Variants in EBF1 observed in about 807,000 individuals in gnomAD.
EBF1 encodes the protein EBF transcription factor 1.
In EBF1, 10 loss-of-function variants were observed where a neutral mutation model predicts 68.4. The ratio of observed to expected loss-of-function variants is 0.15; its 90% CI spans 0.09 to 0.25. EBF1 has a LOEUF of 0.25. Among genes scored for constraint, EBF1 ranks in the 10% least tolerant of loss-of-function variants. EBF1 has a pLI of 1.00. For missense variants in EBF1, 509 were observed against 794.4 expected (o/e 0.64, Z 4.32); for synonymous variants, 298 against 299.8 (o/e 0.99, Z 0.06).
chr5:158,740,792 A>G (rs1561795275), intron 10 of EBF1, among the ~76,000 whole-genome samples: 2 of 152,242 alleles, frequency 1.3e-5, no homozygotes, highest in African/African-American at 2.4e-5. Context: ...CTTGATCCTA[A>G]GAAGTCTCCT....
chr5:158,867,989 A>AT (rs200474444), intron 6 of EBF1, among the ~76,000 whole-genome samples: 20 of 150,638 alleles, frequency 1.3e-4, no homozygotes, highest in Non-Finnish European at 2.5e-4. Flanking sequence ...CAAAAGCTTA[A>AT]TTTTTTTTTT....
At chr5:158,902,250 T>C (rs1205372352) in intron 6 of EBF1, among the ~76,000 whole-genome samples, 3 of 152,162 alleles carry the variant, frequency 2.0e-5, no homozygotes, top group Non-Finnish European at 4.4e-5. Flanking sequence ...ATGTCTCCCA[T>C]GAGGCTGTAG....
At chr5:158,778,067 G>GA (rs1035445453) in intron 9 of EBF1, among the ~76,000 whole-genome samples, 3 of 152,038 alleles carry the variant, frequency 2.0e-5, no homozygotes, top group Admixed American at 2.0e-4. Context: ...GGAAAGCAAA[G>GA]AATCTGCCTC....
chr5:158,883,708 C>T (rs1416977841), intron 6 of EBF1, among the ~76,000 whole-genome samples: 1 of 152,132 alleles, frequency 6.6e-6, no homozygotes, highest in Non-Finnish European at 1.5e-5. Context: ...ACGCAGCTTA[C>T]TCAATTCACA....
chr5:158,727,654 G>A (rs1763269507), intron 11 of EBF1, among the ~76,000 whole-genome samples: 1 of 152,178 alleles, frequency 6.6e-6, no homozygotes, highest in Non-Finnish European at 1.5e-5. Flanking sequence ...CATAATCACA[G>A]TATTTTAAAT....
Position 158,713,000 on chromosome 5 carries a change from C to A in EBF1, c.1339G>T (p.Val447Phe). 6.6e-7 allele frequency: 1 copy of A among 1,521,992 alleles called. No individual in the cohort carries two copies. Among genetic ancestry groups the A allele is most frequent in the South Asian group, 1.3e-5 (1 of 77,386 alleles). The allele number at this position is 1,521,992 out of a possible 1,614,324, so 94.3% of individuals were successfully genotyped here. A position where few individuals can be genotyped will look rare whatever the true frequency, so the allele number is the denominator to read the frequency against. ...NSFSGQLAVN[V>F]SEASQATNQG... ...TTGGTGGCTTGTGATGCCTCGGAGA[C>A]ATTCACGGCCAGTTGTCCACTGAAC... is the stretch of plus-strand genomic sequence containing the variant. The change falls in exon 13 of 16, where the codon GTC (valine) becomes TTC (phenylalanine). Residue 447 changes from valine to phenylalanine, a missense_variant. Coordinates refer to ENST00000313708, the MANE Select transcript of EBF1 (RefSeq NM_024007.5).
chr5:158,811,875 C>T (rs916643623), intron 8 of EBF1, among the ~76,000 whole-genome samples: 3 of 152,154 alleles, frequency 2.0e-5, no homozygotes, highest in East Asian at 1.9e-4. Context: ...TTTATCCCCA[C>T]GTGGAATTTT....
chr5:159,021,758 T>G (rs1466883798), intron 6 of EBF1, among the ~76,000 whole-genome samples: 1 of 152,218 alleles, frequency 6.6e-6, no homozygotes, highest in Non-Finnish European at 1.5e-5. Flanking sequence ...CTTAAAGGAC[T>G]GTACTGTTGA....
chr5:158,746,826 AG>A (rs1412724668), intron 10 of EBF1, among the ~76,000 whole-genome samples: 1 of 152,208 alleles, frequency 6.6e-6, no homozygotes, highest in Non-Finnish European at 1.5e-5. Flanking sequence ...ACATATCTAC[AG>A]GAGCAGAGAT....
At chr5:159,087,772 C>T (rs1780975980) in intron 4 of EBF1, among the ~76,000 whole-genome samples, 1 of 152,048 alleles carries the variant, frequency 6.6e-6, no homozygotes, top group Non-Finnish European at 1.5e-5. Context: ...ATCTCTTCAC[C>T]AAATACCACA....
intron 6 of EBF1, among the ~76,000 whole-genome samples, chr5:158,943,164 TTCTG>T (rs1340535191): frequency 9.9e-5 from 15 of 152,162 alleles, no homozygotes; most frequent in East Asian, 3.9e-4. Context: ...GAATTGAATC[TTCTG>T]TCTTTCAGGA....
At chr5:159,043,388 G>C (rs1330657046) in intron 6 of EBF1, among the ~76,000 whole-genome samples, 2 of 152,088 alleles carry the variant, frequency 1.3e-5, no homozygotes, top group African/African-American at 4.8e-5. Context: ...TTCCTTCATA[G>C]CACCTAAAAC....
chr5:158,846,502 G>A (rs917174845), intron 6 of EBF1, among the ~76,000 whole-genome samples: 5 of 152,122 alleles, frequency 3.3e-5, no homozygotes, highest in South Asian at 4.1e-4. Flanking sequence ...GGCTTTATCC[G>A]AAGGTCATCA....
intron 10 of EBF1, among the ~76,000 whole-genome samples, chr5:158,759,104 G>C (rs1329162889): frequency 6.6e-6 from 1 of 152,302 alleles, no homozygotes; most frequent in South Asian, 2.1e-4. Flanking sequence ...TCCATTAAAT[G>C]TACCATACAT....
chr5:158,762,628 T>C (rs952722748), intron 10 of EBF1, among the ~76,000 whole-genome samples: 1 of 152,184 alleles, frequency 6.6e-6, no homozygotes, highest in Admixed American at 6.5e-5. Flanking sequence ...CTCCACCTCC[T>C]GGGTTCACAC....
At chr5:158,754,576 CTTCA>C (rs1201456270) in intron 10 of EBF1, among the ~76,000 whole-genome samples, 5 of 152,140 alleles carry the variant, frequency 3.3e-5, no homozygotes, top group African/African-American at 4.8e-5. Context: ...CTGGAGTATT[CTTCA>C]TTCATTCATT....
chr5:158,844,579 C>T (rs982277622), intron 6 of EBF1, among the ~76,000 whole-genome samples: 7 of 152,170 alleles, frequency 4.6e-5, no homozygotes, highest in African/African-American at 1.7e-4. Flanking sequence ...CATCAGAAGA[C>T]ATGACAATAT....
intron 6 of EBF1, among the ~76,000 whole-genome samples, chr5:158,930,729 G>A (rs182275685): frequency 2.3e-3 from 347 of 152,154 alleles, no homozygotes; most frequent in Non-Finnish European, 4.2e-3. Flanking sequence ...CTAATGGGGG[G>A]CAAGTATTAA....
At chr5:158,819,473 C>G (rs1449864148) in intron 8 of EBF1, among the ~76,000 whole-genome samples, 1 of 152,206 alleles carries the variant, frequency 6.6e-6, no homozygotes, top group Non-Finnish European at 1.5e-5. Context: ...AAACTGATGC[C>G]ACAGTTGGCC....
Sources: gnomAD v4.1 joint callset for allele counts (sites outside exome capture counted in the v4.1 genomes callset) on GRCh38, gnomAD v4.1.1 for gene constraint, MANE v1.5 for transcripts, NCBI Gene and HGNC (gene_info 2026-07-23, HGNC 2026-07-21) for gene names.